The following TUBB variants were observed in gnomAD, a reference collection of about 807,000 sequenced individuals.
The protein encoded by TUBB is tubulin beta chain.
Under a neutral mutation model 35.1 loss-of-function variants are expected in TUBB, and 2 were observed. The observed-to-expected ratio is 0.06, with a 90% CI of 0.02 to 0.18. TUBB has a LOEUF of 0.18. Among genes scored for constraint, TUBB ranks in the 10% least tolerant of loss-of-function variants. The pLI, the probability that TUBB is intolerant of heterozygous loss-of-function variation, is 1.00. For missense variants in TUBB, 50 were observed against 599.4 expected (o/e 0.08, Z 9.57); for synonymous variants, 205 against 223.8 (o/e 0.92, Z 0.75).
Position 30,723,602 on chromosome 6 carries a change from C to G in TUBB, c.540C>G (p.Val180=), listed in dbSNP as rs779074852. ...CACCCAAAGTGTCTGACACCGTGGT[C>G]GAGCCCTACAATGCCACCCTCTCCG... ...VPSPKVSDTV[V]EPYNATLSVH... The change falls in exon 4 of 4, where the codon GTC becomes GTG. Residue 180 remains valine (V), a synonymous_variant. Coordinates refer to ENST00000327892, the MANE Select transcript of TUBB (RefSeq NM_178014.4). 1.2e-6 allele frequency: 2 copies of G among 1,614,214 alleles called. No individual in the cohort carries two copies. Among genetic ancestry groups the G allele is most frequent in the Non-Finnish European group, 1.7e-6 (2 of 1,180,034 alleles).
chr6:30,722,734 C>G, intron 2 of TUBB, 89 bp downstream of exon 2: 1 of 1,251,480 alleles, frequency 8.0e-7, no homozygotes, highest in South Asian at 1.3e-5. Flanking sequence ...CGCCTTATCC[C>G]CTTTGGGTGA....
chr6:30,721,006 C>A (rs543104034), intron 1 of TUBB, among the ~76,000 whole-genome samples: 1 of 152,342 alleles, frequency 6.6e-6, no homozygotes, highest in South Asian at 2.1e-4. Context: ...CAGAGAGCTC[C>A]AGCGCAAGGG....
chr6:30,722,881 T>A, intron 2 of TUBB, 37 bp from the exon 3 acceptor site: 3 of 1,547,134 alleles, frequency 1.9e-6, no homozygotes, highest in Non-Finnish European at 2.7e-6. Context: ...CCTTCCCTTC[T>A]GCCAGATTTC....
In TUBB at chr6:30,725,263, C is replaced by T. The variant is rs1301800781; in HGVS notation, c.*866C>T. On this transcript the variant is annotated 3_prime_UTR_variant, in exon 4 of 4. Coordinates refer to ENST00000327892, the MANE Select transcript of TUBB (RefSeq NM_178014.4). The stretch of plus-strand genomic sequence containing the variant: ...GAACCCTCCTCCATCTTTTTTGCAA[C>T]ATCTCATTTCTTCCTTTTGCTGTTG... The T allele has an allele frequency of 1.3e-5, 2 of 157,820 alleles. No individual in the cohort carries two copies. The highest frequency in any genetic ancestry group is 1.3e-4 in the Admixed American group (2 of 15,326). 9.8% of individuals were successfully genotyped at this position (157,820 alleles called of 1,614,324 possible).
Position 30,724,454 on chromosome 6 carries a change from C to T in TUBB, c.*57C>T, listed in dbSNP as rs9468816. 26,428 of 1,455,844 alleles carry T rather than the reference C, an allele frequency of 0.018. 824 individuals carry two copies. The highest frequency in any genetic ancestry group is 0.14 in the East Asian group (5,812 of 42,560). The allele number at this position is 1,455,844 out of a possible 1,614,324, so 90.2% of individuals were successfully genotyped here. On this transcript the variant is annotated 3_prime_UTR_variant, in exon 4 of 4. Transcript: ENST00000327892. This position sits in a 1 kb window ranked among gnomAD's most constrained non-coding sequence, Gnocchi z 4.4. ...TTCCCTTAGCCGTCTTACTCAACTG[C>T]CCCTTTCCTCTCCCTCAGAATTTGT...
At chr6:30,720,841 C>T (rs769276769) in intron 1 of TUBB, among the ~76,000 whole-genome samples, 1 of 152,236 alleles carries the variant, frequency 6.6e-6, no homozygotes, top group Non-Finnish European at 1.5e-5. Context: ...CTTAAAAGGG[C>T]TTCTAACGGT....
chr6:30,721,549 A>C (rs1776253152), intron 1 of TUBB: 4 of 984,864 alleles, frequency 4.1e-6, no homozygotes, highest in Non-Finnish European at 4.8e-6. Context: ...CCACGCGCGA[A>C]GTCTTTTGTC....
Position 30,720,439 on chromosome 6 carries a change from GAAA to G in TUBB, c.-62_-60del. On this transcript the variant is annotated 5_prime_UTR_variant, in exon 1 of 4. Coordinates refer to ENST00000327892, the MANE Select transcript of TUBB (RefSeq NM_178014.4). ...AACCTTCCAGCCTGCGACCTGCGGA[GAAA>G]AAAAATTACTTATTTTCTTGCCCCA... 1 of 1,538,638 alleles carries G rather than the reference GAAA, an allele frequency of 6.5e-7. No individual in the cohort carries two copies. Among genetic ancestry groups the G allele is most frequent in the Non-Finnish European group, 9.0e-7 (1 of 1,112,232 alleles).
Position 30,720,370 on chromosome 6 carries a change from C to G in TUBB, c.-137C>G, listed in dbSNP as rs543550861. 1 of 808,004 alleles carries G rather than the reference C, an allele frequency of 1.2e-6. No homozygotes were observed. The highest frequency in any genetic ancestry group is 1.7e-5 in the African/African-American group (1 of 58,366). 50.1% of individuals were successfully genotyped at this position (808,004 alleles called of 1,614,324 possible). A position where few individuals can be genotyped will look rare whatever the true frequency, so the allele number is the denominator to read the frequency against. On this transcript the variant is annotated 5_prime_UTR_variant, in exon 1 of 4. Coordinates refer to ENST00000327892, the MANE Select transcript of TUBB (RefSeq NM_178014.4). ...TTTCTCCCTCTCAGAACCTTCCTGC[C>G]GTCGCGTTTGCACCTCGCTGCTCCA...
At chr6:30,721,491 A>G in intron 1 of TUBB, 5 of 949,490 alleles carry the variant, frequency 5.3e-6, no homozygotes, top group Non-Finnish European at 6.3e-6. Flanking sequence ...GGGGCGCGCT[A>G]CCTTGGGCCC....
chr6:30,721,600 CGGGGGGGGT>C, intron 1 of TUBB: 1 of 982,314 alleles, frequency 1.0e-6, no homozygotes, highest in Non-Finnish European at 1.2e-6. Context: ...ACGTGGAGGG[CGGGGGGGGT>C]GGTCGACTGC....
In TUBB at chr6:30,724,643, C is replaced by A; in HGVS notation, c.*246C>A. The stretch of plus-strand genomic sequence containing the variant: ...TGCCATTCTGGGTGACCCTGTATTT[C>A]TTTCTGGTGCCCATTCCATTTGTCC... On this transcript the variant is annotated 3_prime_UTR_variant, in exon 4 of 4. Transcript: ENST00000327892. This position sits in a 1 kb window ranked among gnomAD's most constrained non-coding sequence, Gnocchi z 4.4. The A allele has an allele frequency of 3.9e-6, 2 of 513,100 alleles. No individual in the cohort carries two copies. The highest frequency in any genetic ancestry group is 3.4e-5 in the South Asian group (1 of 29,648). 31.8% of individuals were successfully genotyped at this position (513,100 alleles called of 1,614,324 possible). A position where few individuals can be genotyped will look rare whatever the true frequency, so the allele number is the denominator to read the frequency against.
In TUBB at chr6:30,720,547, A is replaced by T. The variant is rs1480777212; in HGVS notation, c.41A>T (p.Asn14Ile). The change falls in exon 1 of 4, where the codon AAC (asparagine) becomes ATC (isoleucine). Residue 14 changes from asparagine (N) to isoleucine (I), a missense_variant. Physicochemically the swap from Asn to Ile is moderately radical, Grantham distance 149 (BLOSUM62 -3). Coordinates refer to ENST00000327892, the MANE Select transcript of TUBB (RefSeq NM_178014.4). ...IVHIQAGQCG[N>I]QIGAKFWEVI... is the part of the protein sequence containing the mutation. ...CACATCCAGGCTGGTCAGTGTGGCAACCAGATCGGTGCCAAGGTAAGAATT... is the reference window on the plus strand; with the variant it reads ...CACATCCAGGCTGGTCAGTGTGGCATCCAGATCGGTGCCAAGGTAAGAATT... 6.2e-7 allele frequency: 1 copy of T among 1,613,962 alleles called. No homozygotes were observed. Among genetic ancestry groups the T allele is most frequent in the Admixed American group, 1.7e-5 (1 of 59,970 alleles).
chr6:30,722,642 A>G lies in TUBB; in HGVS notation c.163A>G (p.Thr55Ala). ...DRISVYYNEA[T>A]GGKYVPRAIL... is the part of the protein sequence containing the mutation. ...CATCTCTGTGTACTACAATGAAGCC[A>G]CAGGTAAGGGCAGGAGCCCGGGCAG... Residue 55 changes from threonine to alanine, a missense_variant, in exon 2 of 4, where the codon ACA becomes GCA. Thr to Ala is a moderately conservative substitution (Grantham distance 58, BLOSUM62 0). Transcript: ENST00000327892. 6.2e-7 allele frequency: 1 copy of G among 1,613,794 alleles called. No individual in the cohort carries two copies. Among genetic ancestry groups the G allele is most frequent in the Non-Finnish European group, 8.5e-7 (1 of 1,179,810 alleles).
Position 30,724,175 on chromosome 6 carries a change from C to T in TUBB, c.1113C>T (p.Ser371=), listed in dbSNP as rs1310887485. 1 of 1,614,094 alleles carries T rather than the reference C, an allele frequency of 6.2e-7. No individual in the cohort carries two copies. Among genetic ancestry groups the T allele is most frequent in the South Asian group, 1.1e-5 (1 of 91,080 alleles). The change falls in exon 4 of 4, where the codon AGC becomes AGT. Residue 371 remains serine (S), a synonymous_variant. Transcript: ENST00000327892. The surrounding 1 kb of genome is among the most constrained non-coding windows in gnomAD (Gnocchi z 4.4). ...LKMAVTFIGN[S]TAIQELFKRI... ...TGGCAGTCACCTTCATTGGCAATAG[C>T]ACAGCCATCCAGGAGCTCTTCAAGC...
In TUBB at chr6:30,724,522, G is replaced by C. The variant is rs1168813599; in HGVS notation, c.*125G>C. On this transcript the variant is annotated 3_prime_UTR_variant, in exon 4 of 4. Coordinates refer to ENST00000327892, the MANE Select transcript of TUBB (RefSeq NM_178014.4). This position sits in a 1 kb window ranked among gnomAD's most constrained non-coding sequence, Gnocchi z 4.4. ...TGTTTTTTGTTTTTTCTTCTGGGGG[G>C]GGTCTAGAACAGTGCCTGGCACATA... 1 of 859,134 alleles carries C rather than the reference G, an allele frequency of 1.2e-6. No individual in the cohort carries two copies. The highest frequency in any genetic ancestry group is 1.8e-6 in the Non-Finnish European group (1 of 570,238). 53.2% of individuals were successfully genotyped at this position (859,134 alleles called of 1,614,324 possible).
intron 1 of TUBB, chr6:30,721,808 AG>A (rs769658305): frequency 3.2e-5 from 32 of 985,066 alleles, no homozygotes; most frequent in Non-Finnish European, 3.5e-5. Flanking sequence ...GCGAGTGTCT[AG>A]GGGAAGGGTG....
At chr6:30,721,432 G>A in intron 1 of TUBB, 1 of 422,148 alleles carries the variant, frequency 2.4e-6, no homozygotes, top group Non-Finnish European at 3.2e-6. Context: ...GCGGGGCGGG[G>A]CCGGGGCGCC....
At position 30,720,371 on chromosome 6, in the gene TUBB, G is replaced by A. The variant is rs1776129591; in HGVS notation, c.-136G>A. On this transcript the variant is annotated 5_prime_UTR_variant, in exon 1 of 4. Transcript: ENST00000327892. ...TTCTCCCTCTCAGAACCTTCCTGCC[G>A]TCGCGTTTGCACCTCGCTGCTCCAG... The A allele has an allele frequency of 4.9e-6, 4 of 814,056 alleles. No homozygotes were observed. The highest frequency in any genetic ancestry group is 8.4e-6 in the Non-Finnish European group (4 of 474,718). The allele number at this position is 814,056 out of a possible 1,614,324, so 50.4% of individuals were successfully genotyped here.
Sources: gnomAD v4.1 joint callset for allele counts (sites outside exome capture counted in the v4.1 genomes callset) on GRCh38, gnomAD v4.1.1 for gene constraint, Gnocchi (gnomAD v3.1) non-coding constraint, MANE v1.5 for transcripts, NCBI Gene and HGNC (gene_info 2026-07-23, HGNC 2026-07-21) for gene names.